Variants in ZBTB20 observed in about 807,000 individuals in gnomAD.
The protein encoded by ZBTB20 is zinc finger and BTB domain-containing protein 20.
ZBTB20 carries 9 observed loss-of-function variants against 56.9 expected under a neutral mutation model. The ratio of observed to expected loss-of-function variants is 0.16; its 90% confidence interval spans 0.10 to 0.28. The LOEUF (loss-of-function observed/expected upper bound fraction) is 0.28. Ranked by LOEUF, ZBTB20 falls within the 10% of genes least tolerant of loss-of-function variation. The pLI is 1.00. For synonymous variants in ZBTB20, 417 were observed against 420.7 expected (o/e 0.99, Z 0.11); for missense variants, 655 against 1,003.0 (o/e 0.65, Z 4.69).
chr3:114,515,433 G>A (rs1376558734), intron 6 of ZBTB20, among the ~76,000 whole-genome samples: 1 of 152,134 alleles, frequency 6.6e-6, no homozygotes, highest in Non-Finnish European at 1.5e-5. Context: ...GATCCTTGCT[G>A]GAGAAAAAGC....
At chr3:114,409,122 A>G (rs985132275) in intron 7 of ZBTB20, among the ~76,000 whole-genome samples, 1 of 141,852 alleles carries the variant, frequency 7.0e-6, no homozygotes, top group Non-Finnish European at 1.5e-5. Context: ...GAAAAAGGGA[A>G]GACTTTTTTT....
At chr3:114,618,346 C>T (rs979907941) in intron 6 of ZBTB20, among the ~76,000 whole-genome samples, 4 of 148,882 alleles carry the variant, frequency 2.7e-5, no homozygotes, top group African/African-American at 7.4e-5. Flanking sequence ...AACTCCTGGG[C>T]TCAAGGGATA....
intron 7 of ZBTB20, among the ~76,000 whole-genome samples, chr3:114,473,451 G>C (rs1349156635): frequency 6.6e-6 from 1 of 152,144 alleles, no homozygotes; most frequent in East Asian, 1.9e-4. Context: ...TAAAGCTTTA[G>C]AATATAAGAG....
chr3:114,982,127 T>C (rs932288254), intron 2 of ZBTB20, among the ~76,000 whole-genome samples: 73 of 152,058 alleles, frequency 4.8e-4, no homozygotes, highest in Non-Finnish European at 4.4e-5. Context: ...TCTCATTTCC[T>C]TTTTGGAAAT....
chr3:115,140,916 C>A (rs1667531038), intron 1 of ZBTB20, among the ~76,000 whole-genome samples: 2 of 152,216 alleles, frequency 1.3e-5, no homozygotes, highest in Admixed American at 1.3e-4. Context: ...ACAGTAAAGA[C>A]AGGCTGGCTG....
At chr3:114,816,500 G>A (rs2072928262) in intron 4 of ZBTB20, among the ~76,000 whole-genome samples, 1 of 152,060 alleles carries the variant, frequency 6.6e-6, no homozygotes, top group Admixed American at 6.5e-5. Context: ...ATTCAATGCA[G>A]ACATTAAAAA....
At chr3:114,379,574 T>C (rs1030500682) in intron 10 of ZBTB20, among the ~76,000 whole-genome samples, 7 of 152,200 alleles carry the variant, frequency 4.6e-5, no homozygotes, top group African/African-American at 1.7e-4. Context: ...GACGATCTCA[T>C]TAAGCTGCCC....
intron 4 of ZBTB20, among the ~76,000 whole-genome samples, chr3:114,883,142 GA>G (rs2076460885): frequency 6.6e-6 from 1 of 152,188 alleles, no homozygotes; most frequent in African/African-American, 2.4e-5. Context: ...CAGAATGGTG[GA>G]AAAATATGTT....
intron 6 of ZBTB20, among the ~76,000 whole-genome samples, chr3:114,522,492 G>A (rs2046756747): frequency 6.6e-6 from 1 of 152,078 alleles, no homozygotes; most frequent in Non-Finnish European, 1.5e-5. Flanking sequence ...GAAGTGATGT[G>A]GTCTGACTGA....
rs2079566850 is a variant in ZBTB20, at chr3:114,339,061, A to G, written c.2170T>C (p.Phe724Leu). The change falls in exon 12 of 12, where the codon TTT becomes CTT. Residue 724 changes from phenylalanine (F) to leucine (L), a missense_variant. Coordinates refer to ENST00000675478, the MANE Select transcript of ZBTB20 (RefSeq NM_001348800.3). The surrounding 1 kb of genome is among the most constrained non-coding windows in gnomAD (Gnocchi z 4.2). ...TYVCSVCPAK[F>L]DQIEQFNDHM... ...TCGTTGAACTGCTCGATTTGGTCAAACTTTGCTGGGCAGACGGAGCAGACG... is the reference window on the plus strand; with the variant it reads ...TCGTTGAACTGCTCGATTTGGTCAAGCTTTGCTGGGCAGACGGAGCAGACG... 3 of 1,550,554 alleles carry G rather than the reference A, an allele frequency of 1.9e-6. No homozygotes were observed. The highest frequency in any genetic ancestry group is 1.7e-6 in the Non-Finnish European group (2 of 1,147,638).
At chr3:114,379,994 A>G (rs2084118486) in intron 10 of ZBTB20, among the ~76,000 whole-genome samples, 1 of 152,190 alleles carries the variant, frequency 6.6e-6, no homozygotes, top group Non-Finnish European at 1.5e-5. Context: ...TATGTAATTA[A>G]TCAGCCCTTT....
intron 6 of ZBTB20, among the ~76,000 whole-genome samples, chr3:114,554,069 C>A (rs1420403168): frequency 6.6e-6 from 1 of 152,154 alleles, no homozygotes; most frequent in African/African-American, 2.4e-5. Context: ...ACCTATCTAT[C>A]CTTGTCAGCC....
At chr3:114,380,477 A>G in intron 9 of ZBTB20, 73 bp from the exon 10 acceptor site, 1 of 1,438,208 alleles carries the variant, frequency 7.0e-7, no homozygotes, top group Non-Finnish European at 9.1e-7. Flanking sequence ...GAATCTGTTA[A>G]AGATAACTTG....
chr3:114,854,408 T>C (rs1280051559), intron 4 of ZBTB20, among the ~76,000 whole-genome samples: 3 of 152,208 alleles, frequency 2.0e-5, no homozygotes, highest in Non-Finnish European at 2.9e-5. Context: ...CTCACTTCTA[T>C]TTCAGTTCTC....
intron 5 of ZBTB20, among the ~76,000 whole-genome samples, chr3:114,784,610 T>C (rs2070357961): frequency 6.6e-6 from 1 of 152,222 alleles, no homozygotes; most frequent in Non-Finnish European, 1.5e-5. Context: ...TTGAGTGCTC[T>C]GTGTTTAAGT....
chr3:114,477,738 G>C (rs994446638), intron 7 of ZBTB20, among the ~76,000 whole-genome samples: 13 of 151,628 alleles, frequency 8.6e-5, no homozygotes, highest in African/African-American at 2.7e-4. Flanking sequence ...CAGGTGATCC[G>C]CCTGCCTCAG....
rs551229856 is a variant in ZBTB20 at position 114,323,299 on chromosome 3, T to C, written c.*15706A>G. On this transcript the variant is annotated 3_prime_UTR_variant, in exon 12 of 12. Coordinates refer to ENST00000675478, the MANE Select transcript of ZBTB20 (RefSeq NM_001348800.3). ...GGAGCAGCTAGTATGTTCTAATCCA[T>C]CCTCCAATGTCCAAGTTGGCCTAGC... The C allele has an allele frequency of 6.6e-6, 1 of 152,368 alleles. No homozygotes were observed. Among genetic ancestry groups the C allele is most frequent in the Admixed American group, 6.5e-5 (1 of 15,300 alleles). The allele number at this position is 152,368 out of a possible 1,614,324, so 9.4% of individuals were successfully genotyped here.
chr3:114,628,649 A>G (rs2058770684), intron 6 of ZBTB20, among the ~76,000 whole-genome samples: 2 of 152,170 alleles, frequency 1.3e-5, no homozygotes, highest in Admixed American at 1.3e-4. Context: ...ACGATCTGTC[A>G]TTTATTTTCC....
intron 5 of ZBTB20, among the ~76,000 whole-genome samples, chr3:114,778,951 T>C (rs1265598101): frequency 1.3e-5 from 2 of 152,184 alleles, no homozygotes; most frequent in African/African-American, 2.4e-5. Flanking sequence ...TCATTCAAAG[T>C]ACCAGGAGGC....
Sources: gnomAD v4.1 joint callset for allele counts (sites outside exome capture counted in the v4.1 genomes callset) on GRCh38, gnomAD v4.1.1 for gene constraint, Gnocchi (gnomAD v3.1) non-coding constraint, MANE v1.5 for transcripts, NCBI Gene and HGNC (gene_info 2026-07-23, HGNC 2026-07-21) for gene names.